Variants in CPSF2 observed in about 807,000 individuals in gnomAD.
CPSF2 encodes the protein cleavage and polyadenylation specificity factor subunit 2.
CPSF2 carries 51 observed loss-of-function variants against 84.2 expected under a neutral mutation model. The ratio of observed to expected loss-of-function variants is 0.61; its 90% confidence interval spans 0.48 to 0.77. The LOEUF (loss-of-function observed/expected upper bound fraction) is 0.77, where lower values mean the gene tolerates loss of function less well. Among genes scored for constraint, CPSF2 ranks in the 30% least tolerant of loss-of-function variants. CPSF2 has a pLI of 0.00. For synonymous variants in CPSF2, 286 were observed against 311.9 expected (o/e 0.92, Z 0.87); for missense variants, 641 against 929.4 (o/e 0.69, Z 4.03).
rs188673271 is a variant in CPSF2 at position 92,166,255 on chromosome 14, A to C, written c.*4511A>C. On this transcript the variant is annotated 3_prime_UTR_variant, in exon 16 of 16. Coordinates refer to ENST00000298875, the MANE Select transcript of CPSF2 (RefSeq NM_017437.3). ...TCTAAAAAACCATTGCTTCATCTAA[A>C]GTCATGAAGATTTACACTCTTTTTT... is the stretch of plus-strand genomic sequence containing the variant. 1.3e-5 allele frequency: 2 copies of C among 152,216 alleles called. No individual in the cohort carries two copies. The highest frequency in any genetic ancestry group is 4.8e-5 in the African/African-American group (2 of 41,560). 9.4% of individuals were successfully genotyped at this position (152,216 alleles called of 1,614,324 possible).
intron 11 of CPSF2, among the ~76,000 whole-genome samples, chr14:92,155,722 A>G (rs1478423187): frequency 1.3e-5 from 2 of 150,304 alleles, no homozygotes; most frequent in African/African-American, 4.9e-5. Flanking sequence ...TGAGCTCAGG[A>G]GTTTGAGACC....
chr14:92,147,772 G>A (rs2069161575), intron 9 of CPSF2, among the ~76,000 whole-genome samples: 1 of 152,178 alleles, frequency 6.6e-6, no homozygotes, highest in African/African-American at 2.4e-5. Flanking sequence ...CACCCAGGCT[G>A]GAGTGCAGTT....
intron 14 of CPSF2, among the ~76,000 whole-genome samples, chr14:92,160,503 C>T (rs2069357737): frequency 6.6e-6 from 1 of 152,128 alleles, no homozygotes; most frequent in Non-Finnish European, 1.5e-5. Context: ...GAGAGACAGC[C>T]TCTGTTGTTG....
At chr14:92,131,794 G>A (rs1436780763) in intron 3 of CPSF2, among the ~76,000 whole-genome samples, 7 of 151,276 alleles carry the variant, frequency 4.6e-5, no homozygotes, top group Non-Finnish European at 7.4e-5. Context: ...AGCCGAGATC[G>A]TACCACTACA....
At chr14:92,143,340 AC>A in intron 9 of CPSF2, 46 bp downstream of exon 9, 1 of 1,243,290 alleles carries the variant, frequency 8.0e-7, no homozygotes, top group Non-Finnish European at 1.1e-6. Context: ...TTTGGGGGAT[AC>A]ATTGTGCATG....
At chr14:92,151,132 C>A (rs1440300314) in intron 9 of CPSF2, among the ~76,000 whole-genome samples, 1 of 152,116 alleles carries the variant, frequency 6.6e-6, no homozygotes, top group East Asian at 1.9e-4. Flanking sequence ...TGGCTCACAC[C>A]TGTAATCCCA....
chr14:92,122,644 C>T (rs74074417), intron 1 of CPSF2, among the ~76,000 whole-genome samples: 1,632 of 152,290 alleles, frequency 0.011, 34 homozygotes, highest in African/African-American at 0.037. Flanking sequence ...CGCGCCCTCC[C>T]GCCATCGCCC....
At position 92,122,007 on chromosome 14, in the gene CPSF2, G is replaced by A. The variant is rs1596118731; in HGVS notation, c.-215G>A. On this transcript the variant is annotated 5_prime_UTR_variant, in exon 1 of 16. Transcript: ENST00000298875. ...TCCAAAATGGCGGCTGCCACTGTGG[G>A]GCTTCTGCCGGCCGGTAGTCCCTGG... The A allele has an allele frequency of 1.6e-6, 1 of 634,202 alleles. No homozygotes were observed. The highest frequency in any genetic ancestry group is 2.8e-5 in the East Asian group (1 of 35,960). The allele number at this position is 634,202 out of a possible 1,614,324, so 39.3% of individuals were successfully genotyped here.
intron 2 of CPSF2, among the ~76,000 whole-genome samples, chr14:92,127,676 A>G (rs1010948256): frequency 2.6e-5 from 4 of 152,216 alleles, no homozygotes; most frequent in African/African-American, 7.2e-5. Flanking sequence ...ATGGTACATC[A>G]GTGATACGTT....
rs1431972733 is a variant in CPSF2, at chr14:92,170,998, G to A, written c.*9254G>A. The A allele has an allele frequency of 6.6e-6, 1 of 152,124 alleles. No homozygotes were observed. Among genetic ancestry groups the A allele is most frequent in the East Asian group, 1.9e-4 (1 of 5,202 alleles). The allele number at this position is 152,124 out of a possible 1,614,324, so 9.4% of individuals were successfully genotyped here. A position where few individuals can be genotyped will look rare whatever the true frequency, so the allele number is the denominator to read the frequency against. Reference sequence around the variant, plus strand: ...GATTATTACAGGTATTAATTAATGAGGAATTACGTATTTTGTGGGTAGCTA... The same window carrying A: ...GATTATTACAGGTATTAATTAATGAAGAATTACGTATTTTGTGGGTAGCTA... On this transcript the variant is annotated 3_prime_UTR_variant, in exon 16 of 16. Transcript: ENST00000298875.
chr14:92,135,277 A>T, intron 5 of CPSF2, 90 bp from the exon 6 acceptor site: 1 of 1,200,028 alleles, frequency 8.3e-7, no homozygotes, highest in Non-Finnish European at 1.2e-6. Flanking sequence ...CATATACAGT[A>T]TTACCTATTA....
chr14:92,122,174 C>T (rs914231364), intron 1 of CPSF2, 46 bp downstream of exon 1: 1 of 334,698 alleles, frequency 3.0e-6, no homozygotes, highest in South Asian at 2.5e-5. Context: ...CTGGGGAAGG[C>T]GGCGTCATTG....
chr14:92,144,311 C>T (rs1045968041), intron 9 of CPSF2, among the ~76,000 whole-genome samples: 1 of 152,136 alleles, frequency 6.6e-6, no homozygotes, highest in African/African-American at 2.4e-5. Context: ...TAATCTTTTC[C>T]TTCGTCTTAC....
chr14:92,142,939 T>C (rs2069096831), intron 8 of CPSF2, 65 bp from the exon 9 acceptor site: 8 of 1,337,784 alleles, frequency 6.0e-6, no homozygotes, highest in Middle Eastern at 1.9e-4. Flanking sequence ...TCCTTGACTA[T>C]TAGAGAATAT....
At chr14:92,126,383 G>A (rs2068845568) in intron 2 of CPSF2, among the ~76,000 whole-genome samples, 1 of 152,208 alleles carries the variant, frequency 6.6e-6, no homozygotes, top group African/African-American at 2.4e-5. Flanking sequence ...GTAGAAAAGA[G>A]TTTCCCTTAG....
intron 11 of CPSF2, among the ~76,000 whole-genome samples, chr14:92,155,594 CT>C (rs1243500146): frequency 6.6e-6 from 1 of 152,020 alleles, no homozygotes; most frequent in Admixed American, 6.6e-5. Context: ...GTGATCAAGA[CT>C]TTTTTCCCCC....
rs1235604697 is a variant in CPSF2, at chr14:92,165,904, C to T, written c.*4160C>T. The stretch of plus-strand genomic sequence containing the variant: ...TGAGATGGAGTCTTGCTTTGTCACC[C>T]AGGCTGGAGTGCAGTGGCGCGGTCT... On this transcript the variant is annotated 3_prime_UTR_variant, in exon 16 of 16. Transcript: ENST00000298875. The T allele has an allele frequency of 8.8e-6, 1 of 113,144 alleles. No homozygotes were observed. Among genetic ancestry groups the T allele is most frequent in the African/African-American group, 3.7e-5 (1 of 27,200 alleles). 7.0% of individuals were successfully genotyped at this position (113,144 alleles called of 1,614,324 possible).
rs548706936 is a variant in CPSF2 at position 92,146,467 on chromosome 14, G to T, written c.1140+3173G>T. Reference sequence around the variant, plus strand: ...ACCTGAGAGGTGGAGATTGCAGTGAGCCAGGATCGCGCCACTGCACTCCAA... The same window carrying T: ...ACCTGAGAGGTGGAGATTGCAGTGATCCAGGATCGCGCCACTGCACTCCAA... On this transcript the variant is annotated intron_variant, in intron 9 of 15. Coordinates refer to ENST00000298875, the MANE Select transcript of CPSF2 (RefSeq NM_017437.3). Among the ~76,000 whole-genome samples, 222 of 152,200 alleles carry T rather than the reference G, an allele frequency of 1.5e-3. 1 individual carries two copies. Among genetic ancestry groups the T allele is most frequent in the Admixed American group, 3.4e-3 (52 of 15,280 alleles).
intron 11 of CPSF2, 126 bp downstream of exon 11, chr14:92,155,449 G>A: frequency 1.4e-6 from 1 of 725,620 alleles, no homozygotes. Context: ...TAGCTTCTGA[G>A]TACCTCAGCC....
Sources: gnomAD v4.1 joint callset for allele counts (sites outside exome capture counted in the v4.1 genomes callset) on GRCh38, gnomAD v4.1.1 for gene constraint, MANE v1.5 for transcripts, NCBI Gene and HGNC (gene_info 2026-07-23, HGNC 2026-07-21) for gene names.